The following SYCP2L variants were observed in gnomAD, a reference collection of about 807,000 sequenced individuals.
SYCP2L encodes the protein synaptonemal complex protein 2 like.
Under a neutral mutation model 125.8 loss-of-function variants are expected in SYCP2L, and 98 were observed. That is an observed-to-expected ratio of 0.78 (90% CI 0.66 to 0.92). The LOEUF is 0.92. Ranked by LOEUF, SYCP2L falls within the 40% of genes least tolerant of loss-of-function variation. The pLI is 0.00. For missense variants in SYCP2L, 842 were observed against 936.4 expected (o/e 0.90, Z 1.32); for synonymous variants, 317 against 325.4 (o/e 0.97, Z 0.28).
chr6:10,910,267 A>G (rs1780583943), intron 11 of SYCP2L, 67 bp downstream of exon 11: 14 of 1,427,196 alleles, frequency 9.8e-6, no homozygotes, highest in Non-Finnish European at 1.4e-5. Context: ...TTAAAAGAAC[A>G]GTTTAGGGTC....
chr6:10,891,981 G>T lies in SYCP2L; in HGVS notation c.78+400G>T, dbSNP rs976019632. 3.9e-5 allele frequency among the ~76,000 whole-genome samples: 6 copies of T among 152,206 alleles called. No individual in the cohort carries two copies. In the East Asian group the frequency reaches 5.8e-4, roughly 15 times the overall value. On this transcript the variant is annotated intron_variant, in intron 2 of 29. Coordinates refer to ENST00000283141, the MANE Select transcript of SYCP2L (RefSeq NM_001040274.3). ...AGAGCCAAAGAAGCAGGAAGAAAAA[G>T]AACAGGGTAATGAGATGGGGAATAA...
intron 9 of SYCP2L, among the ~76,000 whole-genome samples, chr6:10,906,751 C>A (rs1238757109): frequency 6.6e-6 from 1 of 151,850 alleles, no homozygotes; most frequent in African/African-American, 2.4e-5. Context: ...GCACGCACCG[C>A]CACACCTGGC....
chr6:10,930,625 G>A (rs1330676047), intron 19 of SYCP2L, 111 bp downstream of exon 19: 7 of 1,264,388 alleles, frequency 5.5e-6, no homozygotes, highest in Admixed American at 2.6e-5. Context: ...TATGATTATG[G>A]GGCCAGCTTT....
rs375961638 is a variant in SYCP2L at position 10,907,574 on chromosome 6, C to T, written c.709C>T (p.Leu237=). ...CCAGCAGGTTGCTATTTCTGAAGCG[C>T]TGTGTAGACTGACGATTAAAAAATC... The part of the protein sequence containing the change: ...YDQQVAISEA[L]CRLTIKKSRD... Residue 237 remains leucine (L), a synonymous_variant, in exon 10 of 30, where the codon CTG becomes TTG. Coordinates refer to ENST00000283141, the MANE Select transcript of SYCP2L (RefSeq NM_001040274.3). 180 of 1,613,416 alleles carry T rather than the reference C, an allele frequency of 1.1e-4. No individual in the cohort carries two copies. Among genetic ancestry groups the T allele is most frequent in the Non-Finnish European group, 1.4e-4 (169 of 1,179,700 alleles).
intron 29 of SYCP2L, among the ~76,000 whole-genome samples, chr6:10,971,476 GAAA>G (rs1781772579): frequency 7.6e-6 from 1 of 131,724 alleles, no homozygotes; most frequent in African/African-American, 2.8e-5. Flanking sequence ...AAAAAAAAAA[GAAA>G]GAAAGAAAGA....
intron 4 of SYCP2L, 116 bp downstream of exon 4, chr6:10,894,320 A>C: frequency 1.5e-6 from 2 of 1,291,740 alleles, no homozygotes; most frequent in South Asian, 2.6e-5. Flanking sequence ...TTTGAAAAGA[A>C]ATTGATATCC....
At chr6:10,956,270 A>G (rs761266721) in intron 25 of SYCP2L, 28 bp downstream of exon 25, 13 of 1,511,228 alleles carry the variant, frequency 8.6e-6, no homozygotes, top group African/African-American at 5.5e-5. Flanking sequence ...TTAAAAAACT[A>G]GAGCGTTATG....
At chr6:10,931,099 A>G (rs890462798) in intron 19 of SYCP2L, among the ~76,000 whole-genome samples, 4 of 152,226 alleles carry the variant, frequency 2.6e-5, no homozygotes, top group African/African-American at 9.6e-5. Context: ...TGAGCCCAGG[A>G]GGTCAAGGCT....
At chr6:10,919,214 G>A (rs1373728618) in intron 14 of SYCP2L, among the ~76,000 whole-genome samples, 2 of 152,138 alleles carry the variant, frequency 1.3e-5, no homozygotes, top group Non-Finnish European at 2.9e-5. Flanking sequence ...TCTGTCAGAG[G>A]GAAGGTCTGG....
At chr6:10,907,943 T>C (rs572341667) in intron 10 of SYCP2L, among the ~76,000 whole-genome samples, 5 of 134,982 alleles carry the variant, frequency 3.7e-5, no homozygotes, top group African/African-American at 1.3e-4. Flanking sequence ...GGCTGGAGTA[T>C]AGTGGCGCAA....
chr6:10,950,953 C>G (rs1299866577), intron 23 of SYCP2L, among the ~76,000 whole-genome samples: 1 of 152,016 alleles, frequency 6.6e-6, no homozygotes, highest in Admixed American at 6.6e-5. Flanking sequence ...AGCCACATGC[C>G]CAGCCAGAGG....
intron 14 of SYCP2L, among the ~76,000 whole-genome samples, chr6:10,916,172 T>A (rs899870804): frequency 6.6e-6 from 1 of 152,222 alleles, no homozygotes; most frequent in African/African-American, 2.4e-5. Context: ...TAATATCTCC[T>A]GTTTCATTTC....
intron 21 of SYCP2L, among the ~76,000 whole-genome samples, chr6:10,940,601 C>T (rs545067040): frequency 6.6e-6 from 1 of 152,086 alleles, no homozygotes; most frequent in Non-Finnish European, 1.5e-5. Context: ...ACTATATAAT[C>T]TCACATATAT....
intron 20 of SYCP2L, 35 bp from the exon 21 acceptor site, chr6:10,935,023 G>C: frequency 6.6e-7 from 1 of 1,514,832 alleles, no homozygotes; most frequent in Non-Finnish European, 8.9e-7. Flanking sequence ...TTTTAATTAT[G>C]AATGTTAACA....
chr6:10,962,570 T>C, intron 28 of SYCP2L, among the ~76,000 whole-genome samples: 1 of 152,362 alleles, frequency 6.6e-6, no homozygotes, highest in African/African-American at 2.4e-5. Flanking sequence ...CTTTTGCTTA[T>C]GTGGGTTCTA....
At chr6:10,899,379 T>C (rs1780339860) in intron 6 of SYCP2L, among the ~76,000 whole-genome samples, 1 of 151,994 alleles carries the variant, frequency 6.6e-6, no homozygotes, top group South Asian at 2.1e-4. Flanking sequence ...GAGACCCCCA[T>C]CTCTACAAGA....
At chr6:10,941,085 A>G (rs1357022398) in intron 21 of SYCP2L, among the ~76,000 whole-genome samples, 1 of 152,224 alleles carries the variant, frequency 6.6e-6, no homozygotes, top group Non-Finnish European at 1.5e-5. Context: ...GTGCTGGGAA[A>G]ATCGTCTAGC....
intron 29 of SYCP2L, among the ~76,000 whole-genome samples, chr6:10,967,464 T>C: frequency 6.8e-6 from 1 of 146,804 alleles, no homozygotes; most frequent in Non-Finnish European, 1.5e-5. Flanking sequence ...GGTGTGTGTG[T>C]GTGTGTGTGT....
chr6:10,906,997 G>A (rs1054790254), intron 9 of SYCP2L, among the ~76,000 whole-genome samples: 2 of 151,924 alleles, frequency 1.3e-5, no homozygotes, highest in Admixed American at 6.6e-5. Context: ...TTTAAAAATT[G>A]TTATATGCCA....
Sources: allele counts gnomAD v4.1 joint callset (sites outside exome capture counted in the v4.1 genomes callset), GRCh38; gene constraint gnomAD v4.1.1; transcripts MANE v1.5; gene names NCBI Gene and HGNC (gene_info 2026-07-23, HGNC 2026-07-21).